The following CNTD1 variants were observed in gnomAD, a reference collection of about 807,000 sequenced individuals.
CNTD1 encodes the protein cyclin N-terminal domain-containing protein 1.
In CNTD1, 17 loss-of-function variants were observed where a neutral mutation model predicts 36.3. That is an observed-to-expected ratio of 0.47 (90% confidence interval 0.32 to 0.70). The LOEUF (loss-of-function observed/expected upper bound fraction) is 0.70. Ranked by LOEUF, CNTD1 falls within the 30% of genes least tolerant of loss-of-function variation. The pLI, the probability that CNTD1 is intolerant of heterozygous loss-of-function variation, is 0.03. For missense variants in CNTD1, 338 were observed against 386.1 expected (o/e 0.88, Z 1.04); for synonymous variants, 128 against 153.3 (o/e 0.83, Z 1.22).
chr17:42,810,521 A>G lies in CNTD1; in HGVS notation c.*986A>G. 1 of 344,462 alleles carries G rather than the reference A, an allele frequency of 2.9e-6. No individual in the cohort carries two copies. Among genetic ancestry groups the G allele is most frequent in the Non-Finnish European group, 5.2e-6 (1 of 193,714 alleles). The allele number at this position is 344,462 out of a possible 1,614,324, so 21.3% of individuals were successfully genotyped here. On this transcript the variant is annotated 3_prime_UTR_variant, in exon 7 of 7. Coordinates refer to ENST00000588408, the MANE Select transcript of CNTD1 (RefSeq NM_173478.3). The stretch of plus-strand genomic sequence containing the variant: ...AGTTTTTTTCAGAGAAGAAAGGGAA[A>G]GGAGTCCATGGGGTTAAGAATCAAA...
At chr17:42,807,242 CG>C (rs1323804047) in intron 5 of CNTD1, among the ~76,000 whole-genome samples, 2 of 152,018 alleles carry the variant, frequency 1.3e-5, no homozygotes, top group Non-Finnish European at 2.9e-5. Context: ...CGTGAAACCA[CG>C]TTTCCACTAA....
At position 42,798,994 on chromosome 17, in the gene CNTD1, G is replaced by C. The variant is rs967954768; in HGVS notation, c.-74G>C. On this transcript the variant is annotated 5_prime_UTR_variant, in exon 1 of 7. Coordinates refer to ENST00000588408, the MANE Select transcript of CNTD1 (RefSeq NM_173478.3). The stretch of plus-strand genomic sequence containing the variant: ...ACGAGGAATCCAGGGTGTGGCAGAA[G>C]ACTGGAGAGGAGCTAAGGGGGTCGG... The C allele has an allele frequency of 1.5e-5, 23 of 1,556,478 alleles. No individual in the cohort carries two copies. Among genetic ancestry groups the C allele is most frequent in the Admixed American group, 4.0e-5 (2 of 50,256 alleles).
At chr17:42,805,204 ACTTT>A (rs2054858907) in intron 3 of CNTD1, among the ~76,000 whole-genome samples, 2 of 152,344 alleles carry the variant, frequency 1.3e-5, no homozygotes, top group South Asian at 4.1e-4. Context: ...TTCAACAAAT[ACTTT>A]CTGAGTTTAT....
At chr17:42,801,453 G>A (rs1393339760) in intron 1 of CNTD1, among the ~76,000 whole-genome samples, 4 of 133,140 alleles carry the variant, frequency 3.0e-5, no homozygotes, top group African/African-American at 8.4e-5. Context: ...CCAAGATCAC[G>A]CCATTGCATT....
intron 1 of CNTD1, among the ~76,000 whole-genome samples, chr17:42,801,788 C>T (rs1398722293): frequency 2.6e-5 from 4 of 151,780 alleles, no homozygotes; most frequent in Non-Finnish European, 4.4e-5. Context: ...AGGTCAAGGA[C>T]AGTTCCTTGG....
At chr17:42,804,713 CAGG>C (rs1240272114) in intron 3 of CNTD1, among the ~76,000 whole-genome samples, 3 of 152,022 alleles carry the variant, frequency 2.0e-5, no homozygotes, top group Non-Finnish European at 2.9e-5. Context: ...GAGGCTGAGG[CAGG>C]AGAATTGCTT....
At position 42,800,915 on chromosome 17, in the gene CNTD1, G is replaced by A. The variant is rs186999133; in HGVS notation, c.169+1679G>A. ...GAAACACACAGACACGGCCGGGCAC[G>A]GTGGCTCACGCCTGTATTCCCAACA... On this transcript the variant is annotated intron_variant, in intron 1 of 6. Transcript: ENST00000588408. 6.0e-4 allele frequency among the ~76,000 whole-genome samples: 91 copies of A among 152,270 alleles called. No individual in the cohort carries two copies. The Middle Eastern group carries it at 0.01, about 17-fold the overall frequency.
At chr17:42,799,802 A>ACG (rs1173562763) in intron 1 of CNTD1, among the ~76,000 whole-genome samples, 1 of 134,982 alleles carries the variant, frequency 7.4e-6, no homozygotes, top group East Asian at 2.2e-4. Context: ...GCGGTGGCTC[A>ACG]CGCCTGTAAT....
intron 4 of CNTD1, 25 bp from the exon 5 acceptor site, chr17:42,806,649 C>T: frequency 6.2e-7 from 1 of 1,610,616 alleles, no homozygotes; most frequent in Non-Finnish European, 8.5e-7. Context: ...ATAAATTCTC[C>T]CTATCATTCC....
rs774125355 is a variant in CNTD1 at position 42,799,250 on chromosome 17, G to A, written c.169+14G>A. 2.5e-6 allele frequency: 4 copies of A among 1,609,804 alleles called. No individual in the cohort carries two copies. The highest frequency in any genetic ancestry group is 3.4e-5 in the Admixed American group (2 of 59,048). On this transcript the variant is annotated intron_variant, in intron 1 of 6. Coordinates refer to ENST00000588408, the MANE Select transcript of CNTD1 (RefSeq NM_173478.3). ...CCCAGATCGTGGGTGCGGCTGCAGG[G>A]CCGGGGTGCTGGGTTCTTGGGAGAC...
chr17:42,798,828 G>A (rs1313792973), upstream of CNTD1: 8 of 1,443,768 alleles, frequency 5.5e-6, no homozygotes, highest in Non-Finnish European at 7.2e-6. Context: ...ATGGACGCGG[G>A]AGGTGAGAAG....
At chr17:42,801,551 T>TATATATA in intron 1 of CNTD1, among the ~76,000 whole-genome samples, 1 of 77,994 alleles carries the variant, frequency 1.3e-5, no homozygotes, top group African/African-American at 4.6e-5. Flanking sequence ...ATATATAATA[T>TATATATA]ATGTGTGTGT....
chr17:42,809,304 T>G, intron 6 of CNTD1, 61 bp from the exon 7 acceptor site: 1 of 1,419,288 alleles, frequency 7.0e-7, no homozygotes, highest in South Asian at 1.3e-5. Context: ...AATGTGTGTG[T>G]TTGTGCACTA....
intron 1 of CNTD1, among the ~76,000 whole-genome samples, chr17:42,802,082 G>A (rs927194036): frequency 2.0e-5 from 3 of 152,166 alleles, no homozygotes. Flanking sequence ...ACGATGAAGT[G>A]GAAGCAGTGG....
rs1411588427 is a variant in CNTD1, at chr17:42,806,712, G to A, written c.619G>A (p.Ala207Thr). The A allele has an allele frequency of 6.2e-7, 1 of 1,614,002 alleles. No individual in the cohort carries two copies. The highest frequency in any genetic ancestry group is 1.3e-5 in the African/African-American group (1 of 74,916). ...GCLVPAMRLH[A>T]TCLTLLDLVY... ...TTTGGTTCCAGCCATGAGGCTGCAT[G>A]CAACCTGCCTGACACTGCTCGACCT... Residue 207 changes from alanine (A) to threonine (T), a missense_variant, in exon 5 of 7, where the codon GCA becomes ACA. Physicochemically the swap from Ala to Thr is moderately conservative, Grantham distance 58. Coordinates refer to ENST00000588408, the MANE Select transcript of CNTD1 (RefSeq NM_173478.3).
In CNTD1 at chr17:42,804,267, A is replaced by T. The variant is rs755571397; in HGVS notation, c.288A>T (p.Thr96=). Residue 96 remains threonine, a synonymous_variant, in exon 3 of 7, where the codon ACA becomes ACT. Coordinates refer to ENST00000588408, the MANE Select transcript of CNTD1 (RefSeq NM_173478.3). ...CAGAGAACATCTGCAGGCAAGCCAC[A>T]ATCCAGCCAAGAGATAATAAGAGAG... is the stretch of plus-strand genomic sequence containing the variant. The part of the protein sequence containing the change: ...KQAENICRQA[T]IQPRDNKRES... 1.2e-6 allele frequency: 2 copies of T among 1,614,166 alleles called. No individual in the cohort carries two copies. Among genetic ancestry groups the T allele is most frequent in the East Asian group, 4.5e-5 (2 of 44,888 alleles).
In CNTD1 at chr17:42,810,907, C is replaced by T. The variant is rs374703075; in HGVS notation, c.*1372C>T. ...CGCCACTGCCTCCTGTGTCTTCAATCTTGCCTTTCTCCACATCCATCCTGC... is the reference window on the plus strand; with the variant it reads ...CGCCACTGCCTCCTGTGTCTTCAATTTTGCCTTTCTCCACATCCATCCTGC... On this transcript the variant is annotated 3_prime_UTR_variant, in exon 7 of 7. Coordinates refer to ENST00000588408, the MANE Select transcript of CNTD1 (RefSeq NM_173478.3). 6.2e-7 allele frequency: 1 copy of T among 1,610,658 alleles called. No homozygotes were observed. The highest frequency in any genetic ancestry group is 1.3e-5 in the African/African-American group (1 of 74,904).
chr17:42,807,870 C>A lies in CNTD1; in HGVS notation c.822+6C>A. The A allele has an allele frequency of 6.3e-7, 1 of 1,589,268 alleles. No individual in the cohort carries two copies. Among genetic ancestry groups the A allele is most frequent in the Non-Finnish European group, 8.6e-7 (1 of 1,157,288 alleles). On this transcript the variant is annotated splice_donor_region_variant and intron_variant, in intron 6 of 6. Transcript: ENST00000588408. Reference sequence around the variant, plus strand: ...ACCATGAGTGTTGGAGCCAGGTATGCACCACTGAGCAGGACCAGCATGGTG... The same window carrying A: ...ACCATGAGTGTTGGAGCCAGGTATGAACCACTGAGCAGGACCAGCATGGTG...
Position 42,808,554 on chromosome 17 carries a change from A to T in CNTD1, c.822+690A>T, listed in dbSNP as rs1400189801. On this transcript the variant is annotated intron_variant, in intron 6 of 6. Coordinates refer to ENST00000588408, the MANE Select transcript of CNTD1 (RefSeq NM_173478.3). ...AGACAGAGTGAGACCCCATCTCATT[A>T]AAAAAAAAAAAAAAAAAAAAAAATT... Among the ~76,000 whole-genome samples the T allele has an allele frequency of 3.4e-5, 4 of 116,882 alleles. No homozygotes were observed. The South Asian group carries it at 1.3e-3, about 39-fold the overall frequency. 76.7% of individuals were successfully genotyped at this position (116,882 alleles called of 152,430 possible). A position where few individuals can be genotyped will look rare whatever the true frequency, so the allele number is the denominator to read the frequency against.
Sources: allele counts gnomAD v4.1 joint callset (sites outside exome capture counted in the v4.1 genomes callset), GRCh38; gene constraint gnomAD v4.1.1; transcripts MANE v1.5; gene names NCBI Gene and HGNC (gene_info 2026-07-23, HGNC 2026-07-21).